The following GALNT17 variants were observed in gnomAD, a reference collection of about 807,000 sequenced individuals.
GALNT17 encodes the protein UDP-GalNAc:polypeptide N-acetylgalactosaminyltransferase-like 3.
In GALNT17, 29 loss-of-function variants were observed where a neutral mutation model predicts 63.7. The ratio of observed to expected loss-of-function variants is 0.46; its 90% CI spans 0.34 to 0.62. GALNT17 has a LOEUF of 0.62. GALNT17 is among the 20% of genes least tolerant of loss of function. GALNT17 has a pLI of 0.01. For missense variants in GALNT17, 603 were observed against 799.6 expected (o/e 0.75, Z 2.97); for synonymous variants, 305 against 318.3 (o/e 0.96, Z 0.45).
chr7:71,366,051 T>C (rs933952819), intron 2 of GALNT17, among the ~76,000 whole-genome samples: 2 of 152,160 alleles, frequency 1.3e-5, no homozygotes, highest in Non-Finnish European at 2.9e-5. Context: ...ATCCCTCGTA[T>C]GCTCAGTTCA....
chr7:71,394,926 A>C (rs1793110934), intron 3 of GALNT17, among the ~76,000 whole-genome samples: 1 of 152,126 alleles, frequency 6.6e-6, no homozygotes, highest in African/African-American at 2.4e-5. Context: ...ATATGGGGAA[A>C]CCTTGTCTCT....
chr7:71,186,229 C>T (rs906429809), intron 1 of GALNT17, among the ~76,000 whole-genome samples: 2 of 152,158 alleles, frequency 1.3e-5, no homozygotes, highest in Admixed American at 6.5e-5. Flanking sequence ...AAGCCAGAAG[C>T]TAAAATTGCA....
chr7:71,487,356 A>G (rs750022008), intron 5 of GALNT17, among the ~76,000 whole-genome samples: 1 of 152,186 alleles, frequency 6.6e-6, no homozygotes, highest in African/African-American at 2.4e-5. Context: ...CTTGATATAG[A>G]ATGGAGAAGA....
At chr7:71,659,854 C>T (rs1790880633) in intron 6 of GALNT17, among the ~76,000 whole-genome samples, 1 of 152,198 alleles carries the variant, frequency 6.6e-6, no homozygotes, top group Non-Finnish European at 1.5e-5. Context: ...TTGCCCACTT[C>T]CTCTACTCAG....
chr7:71,700,117 G>C (rs965289938), intron 9 of GALNT17, among the ~76,000 whole-genome samples: 2 of 151,384 alleles, frequency 1.3e-5, no homozygotes, highest in Admixed American at 1.3e-4. Context: ...CATAGCGAAA[G>C]CCCATGTCTA....
intron 5 of GALNT17, among the ~76,000 whole-genome samples, chr7:71,471,286 A>G (rs551902877): frequency 1.3e-5 from 2 of 151,514 alleles, no homozygotes; most frequent in South Asian, 4.2e-4. Flanking sequence ...CATGTTGCCC[A>G]GGCTGGTCTC....
chr7:71,665,710 A>G, intron 7 of GALNT17, 114 bp downstream of exon 7: 1 of 1,220,498 alleles, frequency 8.2e-7, no homozygotes, highest in Non-Finnish European at 1.1e-6. Flanking sequence ...GCTTAGAAAA[A>G]TTATGAATGC....
intron 5 of GALNT17, among the ~76,000 whole-genome samples, chr7:71,529,883 GTTGT>G (rs1788685871): frequency 1.3e-5 from 2 of 152,272 alleles, no homozygotes; most frequent in East Asian, 1.9e-4. Context: ...TTACAAAAGA[GTTGT>G]TTAAGTTTGA....
intron 5 of GALNT17, among the ~76,000 whole-genome samples, chr7:71,445,547 C>T (rs1318215837): frequency 6.6e-6 from 1 of 151,836 alleles, no homozygotes; most frequent in African/African-American, 2.4e-5. Context: ...AGGTTCATCT[C>T]TAAGTTGCTG....
intron 1 of GALNT17, among the ~76,000 whole-genome samples, chr7:71,161,576 T>G (rs547870707): frequency 4.5e-4 from 68 of 152,356 alleles, no homozygotes; most frequent in African/African-American, 1.6e-3. Context: ...TTATGGAGTA[T>G]TTAAACTTAC....
At chr7:71,429,731 C>G (rs530612359) in intron 5 of GALNT17, among the ~76,000 whole-genome samples, 1 of 152,130 alleles carries the variant, frequency 6.6e-6, no homozygotes, top group African/African-American at 2.4e-5. Flanking sequence ...TTTCTTGAGA[C>G]AGTCTCACTC....
chr7:71,622,404 C>T (rs184030433), intron 6 of GALNT17, among the ~76,000 whole-genome samples: 2 of 152,332 alleles, frequency 1.3e-5, no homozygotes, highest in Admixed American at 1.3e-4. Flanking sequence ...ATGAAAGCAG[C>T]TGGAATCCTG....
At chr7:71,434,495 G>A (rs1330875457) in intron 5 of GALNT17, among the ~76,000 whole-genome samples, 1 of 152,180 alleles carries the variant, frequency 6.6e-6, no homozygotes, top group Non-Finnish European at 1.5e-5. Context: ...CCAGCCAGGG[G>A]CCAAGTGAAT....
At chr7:71,613,032 A>G (rs1790148132) in intron 6 of GALNT17, among the ~76,000 whole-genome samples, 1 of 152,084 alleles carries the variant, frequency 6.6e-6, no homozygotes, top group African/African-American at 2.4e-5. Flanking sequence ...ACTCCAGTAG[A>G]CGTTTCTGAT....
intron 5 of GALNT17, among the ~76,000 whole-genome samples, chr7:71,428,887 G>A (rs952139008): frequency 5.3e-5 from 8 of 152,120 alleles, no homozygotes; most frequent in African/African-American, 1.4e-4. Flanking sequence ...GTTCCCTTTC[G>A]TAAGTGTGAG....
At chr7:71,530,965 C>T (rs1420965311) in intron 5 of GALNT17, among the ~76,000 whole-genome samples, 1 of 152,194 alleles carries the variant, frequency 6.6e-6, no homozygotes, top group African/African-American at 2.4e-5. Flanking sequence ...GATGGAAACA[C>T]TTCATATAGG....
At chr7:71,334,732 G>GT (rs1170090948) in intron 1 of GALNT17, among the ~76,000 whole-genome samples, 1 of 152,062 alleles carries the variant, frequency 6.6e-6, no homozygotes, top group Non-Finnish European at 1.5e-5. Context: ...ACCCGTGTGG[G>GT]TTTTTTCCTC....
At position 71,679,156 on chromosome 7, in the gene GALNT17, A is replaced by C. The variant is rs566084354; in HGVS notation, c.1500+1850A>C. On this transcript the variant is annotated intron_variant, in intron 9 of 10. Transcript: ENST00000333538. ...AAAGCAATATGAGCTACAGAATCTA[A>C]TGCAGGTGGCTGTGATGGCTGAGGC... is the stretch of plus-strand genomic sequence containing the variant. Among the ~76,000 whole-genome samples the C allele has an allele frequency of 1.2e-4, 18 of 152,156 alleles. No individual in the cohort carries two copies. The South Asian group carries it at 3.5e-3, about 30-fold the overall frequency.
At chr7:71,694,568 G>A (rs6970747) in intron 9 of GALNT17, among the ~76,000 whole-genome samples, 19,295 of 152,028 alleles carry the variant, frequency 0.13, 1,379 homozygotes, top group African/African-American at 0.17. Flanking sequence ...GTTAATGTTC[G>A]TATTTTTAGT....
Sources: gnomAD v4.1 joint callset for allele counts (sites outside exome capture counted in the v4.1 genomes callset) on GRCh38, gnomAD v4.1.1 for gene constraint, MANE v1.5 for transcripts, NCBI Gene and HGNC (gene_info 2026-07-23, HGNC 2026-07-21) for gene names.